Variants in TTN observed in about 807,000 individuals in gnomAD.
The protein encoded by TTN is titin, also known as connectin.
Under a neutral mutation model 3,223.0 loss-of-function variants are expected in TTN, and 1,525 were observed. The observed-to-expected ratio is 0.47, with a 90% CI of 0.45 to 0.49. The LOEUF is 0.49. Among genes scored for constraint, TTN ranks in the 20% least tolerant of loss-of-function variants. The pLI, the probability that TTN is intolerant of heterozygous loss-of-function variation, is 0.00. For synonymous variants in TTN, 14,094 were observed against 15,161.0 expected (o/e 0.93, Z 5.17); for missense variants, 40,786 against 43,424.0 (o/e 0.94, Z 5.40).
At chr2:178,670,619 G>A (rs966904421) in intron 156 of TTN, among the ~76,000 whole-genome samples, 4 of 151,812 alleles carry the variant, frequency 2.6e-5, no homozygotes, top group Non-Finnish European at 5.9e-5. Flanking sequence ...ATGCTTCAGA[G>A]ACTTTAAAGA....
Position 178,548,270 on chromosome 2 carries a change from C to T in TTN, c.93356G>A (p.Arg31119Lys). Residue 31119 changes from arginine to lysine, a missense_variant, in exon 339 of 363, where the codon AGA becomes AAA. Transcript: ENST00000589042. This position sits in a 1 kb window ranked among gnomAD's most constrained non-coding sequence, Gnocchi z 4.3. ...VATEQPAPPR[R>K]LDVVDTSKSS... ...TTTGCTAGTATCAACAACATCAAGTCTCCTAGGTGGAGCAGGCTGTTCTGT... is the reference window on the plus strand; with the variant it reads ...TTTGCTAGTATCAACAACATCAAGTTTCCTAGGTGGAGCAGGCTGTTCTGT... 1 of 1,613,852 alleles carries T rather than the reference C, an allele frequency of 6.2e-7. No individual in the cohort carries two copies. Among genetic ancestry groups the T allele is most frequent in the Non-Finnish European group, 8.5e-7 (1 of 1,179,820 alleles).
rs1560648956 is a variant in TTN at position 178,718,891 on chromosome 2, G to A, written c.24309C>T (p.Gly8103=). ...MSLTFTSVIR[G]TPPFKVKWFK... is the part of the protein sequence containing the mutation. The stretch of plus-strand genomic sequence containing the variant: ...ACCACTTGACCTTGAAAGGAGGGGT[G>A]CCTCTGATGACACTGGTGAATGTGA... The change falls in exon 84 of 363, where the codon GGC becomes GGT. Residue 8103 remains glycine (G), a synonymous_variant. Transcript: ENST00000589042. 2 of 1,613,498 alleles carry A rather than the reference G, an allele frequency of 1.2e-6. No homozygotes were observed. The highest frequency in any genetic ancestry group is 1.7e-4 in the Middle Eastern group (1 of 6,060).
In TTN at chr2:178,610,277, G is replaced by T. The variant is rs377342233; in HGVS notation, c.51249C>A (p.Val17083=). 9.4e-5 allele frequency: 152 copies of T among 1,612,786 alleles called. 1 individual carries two copies. The highest frequency in any genetic ancestry group is 1.6e-4 in the Middle Eastern group (1 of 6,072). The part of the protein sequence containing the change: ...FDGGTPILHY[V]LERREAGRRT... ...TCCTCCCAGCTTCTCTGCGCTCCAG[G>T]ACATAATGAAGAATTGGGGTTCCAC... Residue 17083 remains valine (V), a synonymous_variant, in exon 271 of 363, where the codon GTC becomes GTA. Coordinates refer to ENST00000589042, the MANE Select transcript of TTN (RefSeq NM_001267550.2).
At position 178,784,311 on chromosome 2, in the gene TTN, T is replaced by C; in HGVS notation, c.2534A>G (p.Glu845Gly). ...CTGAGCAGAAGATGTGGCTGACAAC[T>C]CTTTTTGTAATGTGGCAATAGCACT... The part of the protein sequence containing the change: ...AGSAIATLQK[E>G]LSATSSAQKI... The change falls in exon 16 of 363, where the codon GAG becomes GGG. Residue 845 changes from glutamate to glycine, a missense_variant. Physicochemically the swap from Glu to Gly is moderately conservative, Grantham distance 98 (BLOSUM62 -2). Coordinates refer to ENST00000589042, the MANE Select transcript of TTN (RefSeq NM_001267550.2). The C allele has an allele frequency of 1.2e-6, 2 of 1,614,124 alleles. No homozygotes were observed. Among genetic ancestry groups the C allele is most frequent in the Non-Finnish European group, 1.7e-6 (2 of 1,179,994 alleles).
In TTN at chr2:178,628,878, G is replaced by A. The variant is rs879420969; in HGVS notation, c.44424+423C>T. The A allele has an allele frequency of 5.1e-5, 8 of 155,396 alleles. No homozygotes were observed. The Admixed American group carries it at 5.2e-4, about 10-fold the overall frequency. The allele number at this position is 155,396 out of a possible 1,614,324, so 9.6% of individuals were successfully genotyped here. A position where few individuals can be genotyped will look rare whatever the true frequency, so the allele number is the denominator to read the frequency against. On this transcript the variant is annotated intron_variant, in intron 240 of 362. Coordinates refer to ENST00000589042, the MANE Select transcript of TTN (RefSeq NM_001267550.2). ...ATCAACTGCCCGAAATGGAATTTCA[G>A]TCTTCTCCTCTTAATCCCCTTATAT...
Position 178,543,309 on chromosome 2 carries a change from C to T in TTN, c.96664G>A (p.Ala32222Thr). 6.2e-7 allele frequency: 1 copy of T among 1,613,802 alleles called. No homozygotes were observed. The change falls in exon 347 of 363, where the codon GCC becomes ACC. Residue 32222 changes from alanine to threonine, a missense_variant. Coordinates refer to ENST00000589042, the MANE Select transcript of TTN (RefSeq NM_001267550.2). ...VDVTKSTVTL[A>T]WEKPLYDGGS... The stretch of plus-strand genomic sequence containing the variant: ...CCATCGTAGAGTGGTTTTTCCCAGG[C>T]AAGGGTAACAGTGGATTTGGTGACA...
chr2:178,602,140 T>C lies in TTN; in HGVS notation c.55131A>G (p.Glu18377=). 1 of 1,604,584 alleles carries C rather than the reference T, an allele frequency of 6.2e-7. No homozygotes were observed. Among genetic ancestry groups the C allele is most frequent in the African/African-American group, 1.3e-5 (1 of 74,534 alleles). Reference sequence around the variant, plus strand: ...CCTGTGCTCCAATGTCAATGAAAACTTCTGGTTCCTCTGTAATACCACATA... The same window carrying C: ...CCTGTGCTCCAATGTCAATGAAAACCTCTGGTTCCTCTGTAATACCACATA... ...IPATDIQEEP[E]VFIDIGAQDC... The change falls in exon 284 of 363, where the codon GAA becomes GAG. Residue 18377 remains glutamate (E), a synonymous_variant. Coordinates refer to ENST00000589042, the MANE Select transcript of TTN (RefSeq NM_001267550.2).
At chr2:178,618,917 A>G (rs1176950947) in intron 250 of TTN, 64 bp from the exon 251 acceptor site, 4 of 1,552,910 alleles carry the variant, frequency 2.6e-6, no homozygotes, top group Middle Eastern at 2.3e-4. Flanking sequence ...ACATCATGTT[A>G]TTATGCATTT....
Position 178,632,240 on chromosome 2 carries a change from A to C in TTN, c.43654T>G (p.Ser14552Ala). 1 of 1,608,230 alleles carries C rather than the reference A, an allele frequency of 6.2e-7. No homozygotes were observed. The highest frequency in any genetic ancestry group is 8.5e-7 in the Non-Finnish European group (1 of 1,177,088). The change falls in exon 236 of 363, where the codon TCG becomes GCG. Residue 14552 changes from serine to alanine, a missense_variant. Transcript: ENST00000589042. ...VSMQDEGKTH[S>A]ITFKDLSIDD... ...ATAGACAGGTCTTTGAATGTGATCG[A>C]ATGAGTTTTCCCTTCGTCTTGCATT...
chr2:178,580,937 T>C (rs776455051), intron 316 of TTN: 5 of 245,744 alleles, frequency 2.0e-5, no homozygotes, highest in Admixed American at 1.1e-4. Flanking sequence ...TCTTGTTTTT[T>C]CCTTTCTATA....
chr2:178,599,576 C>G lies in TTN; in HGVS notation c.56325G>C (p.Lys18775Asn), dbSNP rs747785028. 4 of 1,588,546 alleles carry G rather than the reference C, an allele frequency of 2.5e-6. No homozygotes were observed. The highest frequency in any genetic ancestry group is 2.6e-6 in the Non-Finnish European group (3 of 1,166,562). ...TACCCAGGACATTCAGTCTCATCTCCTTTGATGCTGTTCCCAGATTATTTA... is the reference window on the plus strand; with the variant it reads ...TACCCAGGACATTCAGTCTCATCTCGTTTGATGCTGTTCCCAGATTATTTA... ...TAVNNLGTAS[K>N]EMRLNVLGRP... The change falls in exon 289 of 363, where the codon AAG becomes AAC. Residue 18775 changes from lysine to asparagine, a missense_variant. Transcript: ENST00000589042.
At position 178,590,985 on chromosome 2, in the gene TTN, C is replaced by G. The variant is rs1476856391; in HGVS notation, c.60740G>C (p.Arg20247Thr). The G allele has an allele frequency of 6.2e-7, 1 of 1,613,496 alleles. No individual in the cohort carries two copies. The highest frequency in any genetic ancestry group is 1.1e-5 in the South Asian group (1 of 91,068). Residue 20247 changes from arginine (R) to threonine (T), a missense_variant, in exon 304 of 363, where the codon AGA (arginine) becomes ACA (threonine). Transcript: ENST00000589042. ...QKGCEYVFRVRAENKIGVGPP... is the reference protein window; with the variant it reads ...QKGCEYVFRVTAENKIGVGPP... ...ACCAACACCTATCTTATTCTCTGCTCTAACTCGGAAAACATATTCACAGCC... is the reference window on the plus strand; with the variant it reads ...ACCAACACCTATCTTATTCTCTGCTGTAACTCGGAAAACATATTCACAGCC...
At position 178,802,174 on chromosome 2, in the gene TTN, C is replaced by T. The variant is rs756996890; in HGVS notation, c.259G>A (p.Gly87Arg). The stretch of plus-strand genomic sequence containing the variant: ...AGCTCAGCAGTACTAGTCGCTTGTC[C>T]AGATCCATTGGTGGCTTTCAGGGAA... Reference protein sequence around the residue: ...RYSLKATNGSGQATSTAELLV... With the variant: ...RYSLKATNGSRQATSTAELLV... Residue 87 changes from glycine (G) to arginine (R), a missense_variant, in exon 3 of 363, where the codon GGA becomes AGA. Transcript: ENST00000589042. 2 of 1,614,076 alleles carry T rather than the reference C, an allele frequency of 1.2e-6. No individual in the cohort carries two copies. The highest frequency in any genetic ancestry group is 3.3e-5 in the Admixed American group (2 of 60,026).
intron 304 of TTN, 79 bp from the exon 305 acceptor site, chr2:178,588,298 A>C (rs2154182887): frequency 7.5e-7 from 1 of 1,333,926 alleles, no homozygotes; most frequent in East Asian, 2.5e-5. Flanking sequence ...ATTCTCAGTT[A>C]ATCAAATATA....
intron 47 of TTN, chr2:178,750,332 C>T: frequency 6.2e-7 from 1 of 1,613,118 alleles, no homozygotes; most frequent in Non-Finnish European, 8.5e-7. Flanking sequence ...TTTTACTGTT[C>T]CATATTGGTT....
In TTN at chr2:178,614,593, A is replaced by G. The variant is rs755394057; in HGVS notation, c.48921T>C (p.Ile16307=). 6.2e-7 allele frequency: 1 copy of G among 1,612,400 alleles called. No homozygotes were observed. Among genetic ancestry groups the G allele is most frequent in the East Asian group, 2.2e-5 (1 of 44,594 alleles). The change falls in exon 261 of 363, where the codon ATT becomes ATC. Residue 16307 remains isoleucine, a synonymous_variant. Coordinates refer to ENST00000589042, the MANE Select transcript of TTN (RefSeq NM_001267550.2). ...CTGTGGATTTCTTAGGGACATTTTC[A>G]ATGGTAATTCTTTTGTCCTGCTTCA... ...MILKQDKRIT[I]ENVPKKSTVT...
At chr2:178,747,079 G>C in intron 47 of TTN, 1 of 1,612,314 alleles carries the variant, frequency 6.2e-7, no homozygotes, top group African/African-American at 1.3e-5. Flanking sequence ...CTGGGGGTGT[G>C]GAATATCGCT....
intron 47 of TTN, chr2:178,746,478 G>A: frequency 6.2e-7 from 1 of 1,612,500 alleles, no homozygotes; most frequent in Non-Finnish European, 8.5e-7. Context: ...ACAATTTCTT[G>A]AGGAGAAGGT....
In TTN at chr2:178,611,211, C is replaced by T; in HGVS notation, c.50918G>A (p.Ser16973Asn). The change falls in exon 270 of 363, where the codon AGC becomes AAC. Residue 16973 changes from serine (S) to asparagine (N), a missense_variant. Ser to Asn is a conservative substitution (Grantham distance 46, BLOSUM62 1). Coordinates refer to ENST00000589042, the MANE Select transcript of TTN (RefSeq NM_001267550.2). ...DIIVIEGEKL[S>N]IPVPFRAVPV... is the part of the protein sequence containing the mutation. ...GACAGCTCTGAAGGGAACAGGAATG[C>T]TTAACTTTTCACCTTCAATAACAAT... 1 of 1,612,628 alleles carries T rather than the reference C, an allele frequency of 6.2e-7. No individual in the cohort carries two copies.
Sources: gnomAD v4.1 joint callset for allele counts (sites outside exome capture counted in the v4.1 genomes callset) on GRCh38, gnomAD v4.1.1 for gene constraint, Gnocchi (gnomAD v3.1) non-coding constraint, MANE v1.5 for transcripts, NCBI Gene and HGNC (gene_info 2026-07-23, HGNC 2026-07-21) for gene names.